Variants in GPR35 observed in about 807,000 individuals in gnomAD.
GPR35 encodes the protein KYNA receptor.
For missense variants in GPR35, 372 were observed against 422.5 expected, an observed-to-expected ratio of 0.88 and a Z score of 1.05; for synonymous variants, 207 against 198.4, an observed-to-expected ratio of 1.04 and a Z score of -0.36.
chr2:240,632,611 A>T lies in GPR35; in HGVS notation c.*1729A>T, dbSNP rs532905748. Among the ~76,000 whole-genome samples, 20 of 150,620 alleles carry T rather than the reference A, an allele frequency of 1.3e-4. No individual in the cohort carries two copies. The highest frequency in any genetic ancestry group is 1.1e-3 in the South Asian group (5 of 4,722). ...CCATGCCTAGGAGGGCCCATACACA[A>T]CAGAGCCCTGTGCCCAGGAAGGACC... On this transcript the variant is annotated 3_prime_UTR_variant, in exon 2 of 2. Transcript: ENST00000407714.
chr2:240,619,939 G>T (rs1003083347), intron 5 of GPR35, among the ~76,000 whole-genome samples: 2 of 152,196 alleles, frequency 1.3e-5, no homozygotes, highest in Admixed American at 1.3e-4. Context: ...GGCTCTCTCT[G>T]CTGAGAAGGG....
chr2:240,629,901 T>C, intron 1 of GPR35, 48 bp from the exon 2 acceptor site: 2 of 1,490,882 alleles, frequency 1.3e-6, no homozygotes, highest in Non-Finnish European at 9.2e-7. Flanking sequence ...AGTGCCTTGC[T>C]CCCCCTGCTC....
At position 240,630,941 on chromosome 2, in the gene GPR35, C is replaced by T. The variant is rs536151550; in HGVS notation, c.*59C>T. 1.3e-5 allele frequency: 19 copies of T among 1,437,596 alleles called. No homozygotes were observed. In the African/African-American group the frequency reaches 2.7e-4, roughly 20 times the overall value. 89.1% of individuals were successfully genotyped at this position (1,437,596 alleles called of 1,614,324 possible). On this transcript the variant is annotated 3_prime_UTR_variant, in exon 2 of 2. Transcript: ENST00000407714. The stretch of plus-strand genomic sequence containing the variant: ...GGGGGCTCCGGGAGGTGCTGCCTGC[C>T]AGGGGAAGCTGGAACCAGTAGCAAG...
At chr2:240,620,888 A>G (rs1307922072), upstream of GPR35, among the ~76,000 whole-genome samples, 3 of 152,202 alleles carry the variant, frequency 2.0e-5, no homozygotes, top group African/African-American at 2.4e-5. Flanking sequence ...AAATACACAC[A>G]AAAGCAGGGC....
At chr2:240,606,854 T>G (rs6725511) in intron 2 of GPR35, among the ~76,000 whole-genome samples, 6,180 of 152,306 alleles carry the variant, frequency 0.041, 150 homozygotes, top group South Asian at 0.06. Context: ...TCTTATCTCC[T>G]GGGCAATTGG....
At position 240,630,382 on chromosome 2, in the gene GPR35, G is replaced by C. The variant is rs1166237413; in HGVS notation, c.430G>C (p.Val144Leu). 4.3e-6 allele frequency: 7 copies of C among 1,610,572 alleles called. No homozygotes were observed. The highest frequency in any genetic ancestry group is 2.2e-5 in the East Asian group (1 of 44,878). ...CGTGTGCGCGGTCCTCTGGGTGCTG[G>C]TCATCGGCTCCCTGGTGGCTCGCTG... ...AAVCAVLWVL[V>L]IGSLVARWLL... Residue 144 changes from valine to leucine, a missense_variant, in exon 2 of 2, where the codon GTC (valine) becomes CTC (leucine). Transcript: ENST00000407714.
chr2:240,617,336 C>G, exon 4 of GPR35: 1 of 691,610 alleles, frequency 1.4e-6, no homozygotes, highest in Non-Finnish European at 2.7e-6. Flanking sequence ...AGCCCGAATT[C>G]CTGACCCACA....
At chr2:240,626,776 C>T (rs2043382922) in intron 1 of GPR35, among the ~76,000 whole-genome samples, 1 of 152,074 alleles carries the variant, frequency 6.6e-6, no homozygotes, top group African/African-American at 2.4e-5. Context: ...TGCGTGCCCC[C>T]ACGTCTTCAG....
chr2:240,614,221 T>C (rs2043218392), intron 2 of GPR35, among the ~76,000 whole-genome samples: 1 of 151,894 alleles, frequency 6.6e-6, no homozygotes, highest in South Asian at 2.1e-4. Context: ...GCTCAAACCC[T>C]AACCTGAACC....
Position 240,631,075 on chromosome 2 carries a change from G to A in GPR35, c.*193G>A. On this transcript the variant is annotated 3_prime_UTR_variant, in exon 2 of 2. Coordinates refer to ENST00000407714, the MANE Select transcript of GPR35 (RefSeq NM_005301.5). ...GGAAGAGAGAGGGACAGGGACAAGG[G>A]CAAGAGGACTGAGGCCAGAGCAAGG... 1.6e-6 allele frequency: 1 copy of A among 615,448 alleles called. No homozygotes were observed. The allele number at this position is 615,448 out of a possible 1,614,324, so 38.1% of individuals were successfully genotyped here.
At chr2:240,621,671 G>T (rs4676411), upstream of GPR35, among the ~76,000 whole-genome samples, 52,771 of 151,988 alleles carry the variant, frequency 0.35, 9,371 homozygotes, top group East Asian at 0.45. Flanking sequence ...GACATGCTTC[G>T]TGGGTCTCAC....
At chr2:240,618,816 T>G in intron 4 of GPR35, 1 of 532,474 alleles carries the variant, frequency 1.9e-6, no homozygotes, top group East Asian at 3.1e-5. Flanking sequence ...CATGCTTTTT[T>G]TCATTTACAA....
chr2:240,623,650 G>A (rs2043334616), upstream of GPR35, among the ~76,000 whole-genome samples: 1 of 152,140 alleles, frequency 6.6e-6, no homozygotes, highest in South Asian at 2.1e-4. Flanking sequence ...TCCAGGCTGG[G>A]TGGGACTGCC....
upstream of GPR35, among the ~76,000 whole-genome samples, chr2:240,622,329 G>A (rs1044046765): frequency 2.0e-4 from 30 of 152,158 alleles, no homozygotes; most frequent in African/African-American, 7.0e-4. Flanking sequence ...GCAGGTATGT[G>A]CCTCATTGGT....
chr2:240,632,144 G>T lies in GPR35; in HGVS notation c.*1262G>T, dbSNP rs375188677. The stretch of plus-strand genomic sequence containing the variant: ...CCAGGAGGGCTCTATGCCCAAAAGG[G>T]TCCCATGTCCGGGAGGGTCCATACG... On this transcript the variant is annotated 3_prime_UTR_variant, in exon 2 of 2. Coordinates refer to ENST00000407714, the MANE Select transcript of GPR35 (RefSeq NM_005301.5). Among the ~76,000 whole-genome samples the T allele has an allele frequency of 2.1e-5, 3 of 142,486 alleles. No homozygotes were observed. The highest frequency in any genetic ancestry group is 7.5e-5 in the African/African-American group (3 of 39,842). The allele number at this position is 142,486 out of a possible 152,430, so 93.5% of individuals were successfully genotyped here.
At chr2:240,617,173 A>T (rs2043248087) in exon 4 of GPR35, 20 of 713,518 alleles carry the variant, frequency 2.8e-5, no homozygotes, top group Non-Finnish European at 5.2e-5. Context: ...TGGATTGCAG[A>T]CTCATGAAAG....
At chr2:240,626,580 T>C (rs960950492) in intron 1 of GPR35, among the ~76,000 whole-genome samples, 1 of 152,052 alleles carries the variant, frequency 6.6e-6, no homozygotes, top group South Asian at 2.1e-4. Flanking sequence ...GGATGTGACA[T>C]TTAAAAACAA....
At chr2:240,607,467 A>T (rs1016034492) in intron 2 of GPR35, 1 of 152,224 alleles carries the variant, frequency 6.6e-6, no homozygotes, top group East Asian at 1.9e-4. Context: ...CTGGGATTAT[A>T]GGCTGGGGCC....
chr2:240,607,042 T>C (rs1171404989), intron 2 of GPR35, among the ~76,000 whole-genome samples: 1 of 152,154 alleles, frequency 6.6e-6, no homozygotes, highest in South Asian at 2.1e-4. Flanking sequence ...AGTGTTGACA[T>C]ATACCCAGGA....
Sources: allele counts gnomAD v4.1 joint callset (sites outside exome capture counted in the v4.1 genomes callset), GRCh38; gene constraint gnomAD v4.1.1; transcripts MANE v1.5; gene names NCBI Gene and HGNC (gene_info 2026-07-23, HGNC 2026-07-21).